ARB2A: variants seen among roughly 807,000 people sequenced by gnomAD.
ARB2A encodes ARB2 cotranscriptional regulator A, also known as cotranscriptional regulator ARB2A.
At chr5:94,090,155 G>A in the ARB2A span, among the ~76,000 whole-genome samples, 1 of 152,156 alleles carries the variant, frequency 6.6e-6, no homozygotes, top group Non-Finnish European at 1.5e-5. Context: ...TCCTATCTAT[G>A]AGCATGGAAT....
the ARB2A span, among the ~76,000 whole-genome samples, chr5:94,005,051 CA>C: frequency 0.97 from 115,190 of 118,336 alleles, 56,093 homozygotes; most frequent in East Asian, 0.99. Flanking sequence ...AAATGCAAAA[CA>C]AAAAAAAAAA....
the ARB2A span, chr5:93,620,982 T>C: frequency 6.2e-7 from 1 of 1,602,832 alleles, no homozygotes; most frequent in Non-Finnish European, 8.5e-7. Context: ...TCGCGCTCGC[T>C]CCTCTTACAG....
At chr5:94,084,826 AAG>A in the ARB2A span, among the ~76,000 whole-genome samples, 1 of 152,176 alleles carries the variant, frequency 6.6e-6, no homozygotes, top group Non-Finnish European at 1.5e-5. Context: ...AAAAAAGAAA[AAG>A]AAATAAATTA....
At chr5:93,741,328 C>T in the ARB2A span, 1 of 1,612,896 alleles carries the variant, frequency 6.2e-7, no homozygotes, top group Non-Finnish European at 8.5e-7. Context: ...ACGGGGCCTG[C>T]AGGGTGCTAT....
At chr5:93,853,851 T>A in the ARB2A span, among the ~76,000 whole-genome samples, 1 of 152,206 alleles carries the variant, frequency 6.6e-6, no homozygotes, top group South Asian at 2.1e-4. Flanking sequence ...GCTGCTGGAT[T>A]CAGTTTGCCA....
At chr5:93,677,703 T>A in the ARB2A span, among the ~76,000 whole-genome samples, 2 of 152,220 alleles carry the variant, frequency 1.3e-5, no homozygotes, top group African/African-American at 4.8e-5. Context: ...CTGTTAATGA[T>A]GTTCAGTTTT....
At chr5:93,883,246 T>C in the ARB2A span, among the ~76,000 whole-genome samples, 3 of 151,512 alleles carry the variant, frequency 2.0e-5, no homozygotes, top group Non-Finnish European at 4.4e-5. Flanking sequence ...ATCTTACATA[T>C]ATGGAAACTA....
the ARB2A span, among the ~76,000 whole-genome samples, chr5:93,892,024 C>T: frequency 6.6e-6 from 1 of 152,128 alleles, no homozygotes; most frequent in African/African-American, 2.4e-5. Flanking sequence ...CACACACTCT[C>T]CCAGCTCTCC....
At chr5:93,691,449 GA>G in the ARB2A span, among the ~76,000 whole-genome samples, 1 of 151,756 alleles carries the variant, frequency 6.6e-6, no homozygotes, top group Non-Finnish European at 1.5e-5. Flanking sequence ...TCAACTTAAC[GA>G]AATAAAGCAT....
At chr5:94,099,970 C>T in the ARB2A span, among the ~76,000 whole-genome samples, 1 of 152,066 alleles carries the variant, frequency 6.6e-6, no homozygotes, top group Non-Finnish European at 1.5e-5. Flanking sequence ...AAATAAAGGG[C>T]ATCCAAATAG....
the ARB2A span, among the ~76,000 whole-genome samples, chr5:94,107,933 G>T: frequency 4.5e-4 from 68 of 152,240 alleles, no homozygotes; most frequent in Non-Finnish European, 7.4e-5. Flanking sequence ...CCAATCTGTA[G>T]AGCATAGCTC....
the ARB2A span, among the ~76,000 whole-genome samples, chr5:93,856,329 G>T: frequency 1.3e-5 from 2 of 152,142 alleles, no homozygotes; most frequent in Non-Finnish European, 2.9e-5. Flanking sequence ...ATGTTGGCCT[G>T]CCTTGCTAGA....
At chr5:93,829,662 T>C in the ARB2A span, among the ~76,000 whole-genome samples, 64 of 152,286 alleles carry the variant, frequency 4.2e-4, no homozygotes, top group African/African-American at 1.5e-3. Flanking sequence ...CTTGTAGTCA[T>C]ATATTAAAAT....
chr5:93,748,409 G>A, the ARB2A span, among the ~76,000 whole-genome samples: 1 of 152,018 alleles, frequency 6.6e-6, no homozygotes, highest in African/African-American at 2.4e-5. Flanking sequence ...ATCTCAGGAG[G>A]CTCTGAGGGT....
the ARB2A span, among the ~76,000 whole-genome samples, chr5:93,656,949 C>G: frequency 6.6e-6 from 1 of 152,124 alleles, no homozygotes; most frequent in Non-Finnish European, 1.5e-5. Context: ...TCCTCACTCC[C>G]CACCAGGGGT....
the ARB2A span, among the ~76,000 whole-genome samples, chr5:93,816,656 T>A: frequency 3.9e-5 from 6 of 152,164 alleles, no homozygotes; most frequent in Non-Finnish European, 7.3e-5. Flanking sequence ...AATGGAGTAA[T>A]ATGGGTCCTT....
chr5:93,673,584 G>T, the ARB2A span, among the ~76,000 whole-genome samples: 3 of 152,130 alleles, frequency 2.0e-5, no homozygotes, highest in African/African-American at 7.2e-5. Context: ...CCCACAAACA[G>T]CCCATAGAGA....
the ARB2A span, among the ~76,000 whole-genome samples, chr5:94,067,701 T>C: frequency 2.6e-5 from 4 of 152,102 alleles, no homozygotes; most frequent in Non-Finnish European, 5.9e-5. Context: ...GGAAAGACAT[T>C]CCATGCTCAT....
At chr5:94,056,904 A>T in the ARB2A span, among the ~76,000 whole-genome samples, 26 of 152,318 alleles carry the variant, frequency 1.7e-4, no homozygotes, top group African/African-American at 6.3e-4. Context: ...TAGGATTAAC[A>T]TCTGAATGGG....
Sources: gnomAD v4.1 joint callset for allele counts (sites outside exome capture counted in the v4.1 genomes callset) on GRCh38, gnomAD v4.1.1 for gene constraint, MANE v1.5 for transcripts, NCBI Gene and HGNC (gene_info 2026-07-23, HGNC 2026-07-21) for gene names.